The following GPAT3 variants were observed in gnomAD, a reference collection of about 807,000 sequenced individuals.
GPAT3 encodes the protein glycerol-3-phosphate acyltransferase 3, also known as 1-AGP acyltransferase 9.
Under a neutral mutation model 58.8 loss-of-function variants are expected in GPAT3, and 53 were observed. The ratio of observed to expected loss-of-function variants is 0.90; its 90% confidence interval spans 0.72 to 1.13. GPAT3 has a LOEUF of 1.13. Ranked by LOEUF, GPAT3 falls within the 50% of genes most tolerant of loss-of-function variation. GPAT3 has a pLI of 0.00. For missense variants in GPAT3, 511 were observed against 527.6 expected, an observed-to-expected ratio of 0.97 and a Z score of 0.31; for synonymous variants, 197 against 187.4, an observed-to-expected ratio of 1.05 and a Z score of -0.42.
intron 5 of GPAT3, 38 bp downstream of exon 5, chr4:83,588,337 T>A (rs1019545720): frequency 5.7e-6 from 9 of 1,575,412 alleles, no homozygotes; most frequent in Non-Finnish European, 7.8e-6. Context: ...TTTTTCTAGG[T>A]CAATTCAGCA....
At chr4:83,568,207 A>G (rs899400872) in intron 2 of GPAT3, among the ~76,000 whole-genome samples, 3 of 152,132 alleles carry the variant, frequency 2.0e-5, no homozygotes, top group African/African-American at 7.2e-5. Context: ...GTGCCAACCC[A>G]GGCCATGTTA....
rs991622262 is a variant in GPAT3, at chr4:83,580,582, C to T, written c.209-980C>T. ...ACTTTGACAAAGTTGCTACTACTTCCGTACTTGTACAAGTTGAATATGAGA... is the reference window on the plus strand; with the variant it reads ...ACTTTGACAAAGTTGCTACTACTTCTGTACTTGTACAAGTTGAATATGAGA... On this transcript the variant is annotated intron_variant, in intron 2 of 11. Transcript: ENST00000264409. Among the ~76,000 whole-genome samples the T allele has an allele frequency of 3.9e-5, 6 of 152,264 alleles. No individual in the cohort carries two copies. In the East Asian group the frequency reaches 5.8e-4, roughly 15 times the overall value.
intron 1 of GPAT3, among the ~76,000 whole-genome samples, chr4:83,541,393 C>CTTTTTTTTTTT (rs777665390): frequency 8.8e-6 from 1 of 113,692 alleles, no homozygotes; most frequent in Non-Finnish European, 1.7e-5. Flanking sequence ...AATTTAAAAC[C>CTTTTTTTTTTT]TTTTTTTTTT....
intron 2 of GPAT3, among the ~76,000 whole-genome samples, chr4:83,553,022 C>T (rs1201805296): frequency 1.3e-5 from 2 of 152,196 alleles, no homozygotes; most frequent in East Asian, 3.8e-4. Context: ...GACTTCTAGC[C>T]TCCAGACCTG....
intron 2 of GPAT3, among the ~76,000 whole-genome samples, chr4:83,570,573 A>G (rs1725568888): frequency 1.3e-5 from 2 of 151,394 alleles, no homozygotes; most frequent in African/African-American, 2.4e-5. Context: ...CCTGGGTTCA[A>G]GTGATTCTCC....
intron 2 of GPAT3, among the ~76,000 whole-genome samples, chr4:83,580,603 T>A (rs1726076215): frequency 6.6e-6 from 1 of 152,188 alleles, no homozygotes; most frequent in South Asian, 2.1e-4. Flanking sequence ...AAGTTGAATA[T>A]GAGAGTACCT....
At chr4:83,574,849 A>G (rs1225128893) in intron 2 of GPAT3, among the ~76,000 whole-genome samples, 2 of 133,334 alleles carry the variant, frequency 1.5e-5, no homozygotes, top group African/African-American at 5.5e-5. Flanking sequence ...CTTTTGGTCT[A>G]CTCCCGAACA....
At chr4:83,583,259 A>C (rs1457469582) in intron 3 of GPAT3, among the ~76,000 whole-genome samples, 1 of 151,914 alleles carries the variant, frequency 6.6e-6, no homozygotes. Flanking sequence ...GTGCCACTGC[A>C]CTCTAGCCTG....
intron 2 of GPAT3, among the ~76,000 whole-genome samples, chr4:83,573,170 T>A (rs986982529): frequency 1.3e-5 from 2 of 152,200 alleles, no homozygotes; most frequent in Non-Finnish European, 2.9e-5. Flanking sequence ...AGTTTCACTC[T>A]GTCACCCAGG....
rs538456718 is a variant in GPAT3, at chr4:83,595,607, C to G, written c.854+647C>G. Among the ~76,000 whole-genome samples, 76 of 152,102 alleles carry G rather than the reference C, an allele frequency of 5.0e-4. 1 individual carries two copies. The South Asian group carries it at 9.6e-3, about 19-fold the overall frequency. On this transcript the variant is annotated intron_variant, in intron 7 of 11. Coordinates refer to ENST00000264409, the MANE Select transcript of GPAT3 (RefSeq NM_032717.5). ...ATGTGGTGGCATATGCCTGTGGTCC[C>G]AGCTACTTGGGAGGAAGGATCGCTT...
At chr4:83,545,441 A>AT (rs1374222837) in intron 2 of GPAT3, among the ~76,000 whole-genome samples, 11 of 120,416 alleles carry the variant, frequency 9.1e-5, no homozygotes, top group Non-Finnish European at 2.1e-4. Flanking sequence ...GTGAGACCTC[A>AT]TTTAAAAAAA....
chr4:83,545,083 A>G (rs1724456863), intron 2 of GPAT3, among the ~76,000 whole-genome samples: 1 of 152,252 alleles, frequency 6.6e-6, no homozygotes, highest in Non-Finnish European at 1.5e-5. Flanking sequence ...ATCATCACAT[A>G]CTATACTTGC....
intron 2 of GPAT3, among the ~76,000 whole-genome samples, chr4:83,580,563 AC>A (rs1726071427): frequency 6.6e-6 from 1 of 152,128 alleles, no homozygotes; most frequent in Non-Finnish European, 1.5e-5. Context: ...ACCAACTTTG[AC>A]AAAGTTGCTA....
chr4:83,586,053 A>AT (rs985598959), intron 3 of GPAT3, among the ~76,000 whole-genome samples: 1 of 151,894 alleles, frequency 6.6e-6, no homozygotes, highest in African/African-American at 2.4e-5. Flanking sequence ...CTATGCTCCA[A>AT]TTTTTTCATG....
rs747283562 is a variant in GPAT3, at chr4:83,544,566, C to T, written c.172C>T (p.Pro58Ser). 5.0e-6 allele frequency: 8 copies of T among 1,613,850 alleles called. No homozygotes were observed. The East Asian group carries it at 1.8e-4, about 36-fold the overall frequency. ...CACAATACGAATTGAAAAAGGAACC[C>T]CAAAGGAGTCGATTCTTAAAAACTC... ...WATIRIEKGT[P>S]KESILKNSAS... The change falls in exon 2 of 12, where the codon CCA becomes TCA. Residue 58 changes from proline to serine, a missense_variant. Pro to Ser is a moderately conservative substitution (Grantham distance 74). Transcript: ENST00000264409.
At chr4:83,551,770 A>T (rs559142914) in intron 2 of GPAT3, among the ~76,000 whole-genome samples, 19 of 144,638 alleles carry the variant, frequency 1.3e-4, no homozygotes, top group Non-Finnish European at 2.6e-4. Context: ...CCAGCCTGGG[A>T]GACAGAGTGA....
At chr4:83,600,588 C>T (rs1727021358) in intron 11 of GPAT3, among the ~76,000 whole-genome samples, 1 of 152,180 alleles carries the variant, frequency 6.6e-6, no homozygotes. Context: ...CTGCAACTTC[C>T]ACCTCCTGGG....
chr4:83,555,213 T>C (rs576471494), intron 2 of GPAT3, among the ~76,000 whole-genome samples: 1 of 152,308 alleles, frequency 6.6e-6, no homozygotes, highest in Admixed American at 6.5e-5. Context: ...TTGGCATCTC[T>C]GCAGTGATAA....
At chr4:83,584,577 G>GT (rs1330176606) in intron 3 of GPAT3, among the ~76,000 whole-genome samples, 2 of 152,020 alleles carry the variant, frequency 1.3e-5, no homozygotes, top group African/African-American at 4.8e-5. Context: ...ACAATCTTGG[G>GT]TCACTGCAAC....
Sources: gnomAD v4.1 joint callset for allele counts (sites outside exome capture counted in the v4.1 genomes callset) on GRCh38, gnomAD v4.1.1 for gene constraint, MANE v1.5 for transcripts, NCBI Gene and HGNC (gene_info 2026-07-23, HGNC 2026-07-21) for gene names.